The following ARHGAP15 variants were observed in gnomAD, a reference collection of about 807,000 sequenced individuals.
ARHGAP15 encodes Rho GTPase activating protein 15.
ARHGAP15 carries 51 observed loss-of-function variants against 63.7 expected under a neutral mutation model. The observed-to-expected ratio is 0.80, with a 90% confidence interval of 0.64 to 1.01. The LOEUF is 1.01. Among genes scored for constraint, ARHGAP15 ranks in the 50% least tolerant of loss-of-function variants. The pLI is 0.00. For synonymous variants in ARHGAP15, 191 were observed against 193.8 expected (o/e 0.99, Z 0.12); for missense variants, 560 against 564.6 (o/e 0.99, Z 0.08).
intron 1 of ARHGAP15, among the ~76,000 whole-genome samples, chr2:143,139,853 C>T (rs1450870588): frequency 2.0e-5 from 3 of 152,090 alleles, no homozygotes; most frequent in African/African-American, 7.2e-5. Context: ...CAACTCTGGG[C>T]CCTACCACTT....
intron 10 of ARHGAP15, chr2:143,533,324 A>G (rs941296789): frequency 2.0e-5 from 3 of 152,164 alleles, no homozygotes; most frequent in Admixed American, 6.5e-5. Flanking sequence ...TGTTCATTTA[A>G]TTTCTCACGG....
rs563161493 is a variant in ARHGAP15, at chr2:143,251,038, G to A, written c.474+438G>A. Among the ~76,000 whole-genome samples the A allele has an allele frequency of 4.5e-3, 678 of 151,960 alleles. 7 individuals are homozygous for A. Among genetic ancestry groups the A allele is most frequent in the Non-Finnish European group, 5.5e-3 (375 of 67,874 alleles). ...AGTATAACTTACAAGAATGGAGAGG[G>A]CTGAACAGCTATAAAAAATAGATTC... On this transcript the variant is annotated intron_variant, in intron 6 of 13. Coordinates refer to ENST00000295095, the MANE Select transcript of ARHGAP15 (RefSeq NM_018460.4).
intron 6 of ARHGAP15, among the ~76,000 whole-genome samples, chr2:143,315,920 A>G (rs1396649297): frequency 6.6e-6 from 1 of 151,946 alleles, no homozygotes; most frequent in Non-Finnish European, 1.5e-5. Flanking sequence ...CTGCGTCTGT[A>G]CTAAAAATAC....
Position 143,435,582 on chromosome 2 carries a change from C to CTTTT in ARHGAP15, c.475-8_475-5dup, listed in dbSNP as rs11438710. 6.3e-4 allele frequency: 860 copies of CTTTT among 1,355,446 alleles called. 4 individuals carry two copies. Among genetic ancestry groups the CTTTT allele is most frequent in the South Asian group, 2.3e-3 (144 of 61,520 alleles). The allele number at this position is 1,355,446 out of a possible 1,614,324, so 84.0% of individuals were successfully genotyped here. On this transcript the variant is annotated intron_variant, in intron 6 of 13. Coordinates refer to ENST00000295095, the MANE Select transcript of ARHGAP15 (RefSeq NM_018460.4). ...TTTCTTTACCTGTCTATTTCTTTTTCTTTTTTTTTTTTTTGCAGATCACAA... is the reference window on the plus strand; with the variant it reads ...TTTCTTTACCTGTCTATTTCTTTTTCTTTTTTTTTTTTTTTTTTGCAGATCACAA...
rs547521753 is a variant in ARHGAP15 at position 143,430,779 on chromosome 2, A to G, written c.475-4822A>G. 3.3e-5 allele frequency among the ~76,000 whole-genome samples: 5 copies of G among 152,170 alleles called. No homozygotes were observed. In the Middle Eastern group the frequency reaches 0.01, roughly 311 times the overall value. ...TGAAGTCCAAAGTCTCTCTAAACAT[A>G]ATAGCAATTAAATTCCATTCCTCTT... On this transcript the variant is annotated intron_variant, in intron 6 of 13. Coordinates refer to ENST00000295095, the MANE Select transcript of ARHGAP15 (RefSeq NM_018460.4).
intron 13 of ARHGAP15, among the ~76,000 whole-genome samples, chr2:143,756,555 C>T (rs550301961): frequency 2.8e-4 from 42 of 152,026 alleles, no homozygotes; most frequent in African/African-American, 9.7e-4. Flanking sequence ...ATCAGCAGAG[C>T]TCAGGGAATA....
intron 2 of ARHGAP15, chr2:143,162,321 A>G (rs533338604): frequency 6.6e-6 from 1 of 152,116 alleles, no homozygotes; most frequent in African/African-American, 2.4e-5. Flanking sequence ...GAAAATAGCT[A>G]GACACTGACC....
chr2:143,384,708 CCTT>C (rs1324115157), intron 6 of ARHGAP15, among the ~76,000 whole-genome samples: 1 of 152,146 alleles, frequency 6.6e-6, no homozygotes, highest in East Asian at 1.9e-4. Flanking sequence ...TTTGAAGTGT[CCTT>C]CTGTTGTGCT....
chr2:143,646,103 G>A (rs1040977161), intron 12 of ARHGAP15, among the ~76,000 whole-genome samples: 2 of 151,986 alleles, frequency 1.3e-5, no homozygotes, highest in Admixed American at 6.6e-5. Flanking sequence ...TTGCACTCAG[G>A]AAATTCACAG....
chr2:143,519,458 G>T, intron 10 of ARHGAP15, 94 bp downstream of exon 10: 4 of 957,000 alleles, frequency 4.2e-6, no homozygotes, highest in Non-Finnish European at 1.6e-6. Context: ...TGTCTGAGAA[G>T]CCATGCAATT....
intron 9 of ARHGAP15, among the ~76,000 whole-genome samples, chr2:143,517,297 G>A (rs1693864668): frequency 6.6e-6 from 1 of 152,076 alleles, no homozygotes; most frequent in East Asian, 1.9e-4. Flanking sequence ...CTCCATGTTG[G>A]GTTGTCACCA....
intron 12 of ARHGAP15, among the ~76,000 whole-genome samples, chr2:143,632,562 C>CTGAGCACCAT (rs1238926027): frequency 1.3e-5 from 2 of 152,030 alleles, no homozygotes; most frequent in Non-Finnish European, 2.9e-5. Flanking sequence ...ATAAGATCAA[C>CTGAGCACCAT]TGAGCACCAT....
At chr2:143,757,052 C>T (rs560761021) in intron 13 of ARHGAP15, among the ~76,000 whole-genome samples, 45 of 152,112 alleles carry the variant, frequency 3.0e-4, no homozygotes, top group African/African-American at 1.0e-3. Context: ...GCCTGTGTGG[C>T]TTGGATCAAA....
At chr2:143,449,808 T>C (rs1187080390) in intron 8 of ARHGAP15, among the ~76,000 whole-genome samples, 1 of 152,022 alleles carries the variant, frequency 6.6e-6, no homozygotes, top group East Asian at 1.9e-4. Context: ...CCTCATTTTT[T>C]TTCATGTCTA....
chr2:143,429,519 TAAG>T (rs1689291790), intron 6 of ARHGAP15, among the ~76,000 whole-genome samples: 1 of 152,156 alleles, frequency 6.6e-6, no homozygotes, highest in African/African-American at 2.4e-5. Context: ...TTCCATTAAA[TAAG>T]AAATTGCTTA....
chr2:143,420,777 C>G (rs1464811809), intron 6 of ARHGAP15, among the ~76,000 whole-genome samples: 1 of 152,162 alleles, frequency 6.6e-6, no homozygotes, highest in Non-Finnish European at 1.5e-5. Flanking sequence ...GTCTTATTCT[C>G]TGATAATGTT....
chr2:143,366,806 T>C (rs1211080044), intron 6 of ARHGAP15, among the ~76,000 whole-genome samples: 3 of 152,058 alleles, frequency 2.0e-5, no homozygotes, highest in Non-Finnish European at 4.4e-5. Flanking sequence ...AAAATTTCAG[T>C]TGGAAAAATC....
intron 11 of ARHGAP15, among the ~76,000 whole-genome samples, chr2:143,581,969 A>G (rs1394825969): frequency 6.6e-6 from 1 of 152,220 alleles, no homozygotes; most frequent in Non-Finnish European, 1.5e-5. Context: ...CTGGAAAGTG[A>G]TAAGTGCCAT....
chr2:143,470,451 A>G (rs939808668), intron 8 of ARHGAP15, among the ~76,000 whole-genome samples: 3 of 151,502 alleles, frequency 2.0e-5, no homozygotes, highest in South Asian at 4.2e-4. Context: ...CTTTTCCATA[A>G]ATGTTTAAAT....
Sources: allele counts gnomAD v4.1 joint callset (sites outside exome capture counted in the v4.1 genomes callset), GRCh38; gene constraint gnomAD v4.1.1; transcripts MANE v1.5; gene names NCBI Gene and HGNC (gene_info 2026-07-23, HGNC 2026-07-21).